TTLL3: variants seen among roughly 807,000 people sequenced by gnomAD.
TTLL3 encodes tubulin monoglycylase TTLL3.
A neutral mutation model predicts 75.2 loss-of-function variants in TTLL3; 63 were observed. The ratio of observed to expected loss-of-function variants is 0.84; its 90% confidence interval spans 0.68 to 1.03. The LOEUF (loss-of-function observed/expected upper bound fraction) is 1.03. Among genes scored for constraint, TTLL3 ranks in the 50% least tolerant of loss-of-function variants. TTLL3 has a pLI of 0.00. For missense variants in TTLL3, 997 were observed against 1,069.9 expected (o/e 0.93, Z 0.95); for synonymous variants, 393 against 418.5 (o/e 0.94, Z 0.74).
At chr3:9,820,865 G>A (rs893523104) in intron 8 of TTLL3, 124 bp downstream of exon 8, 9 of 1,446,584 alleles carry the variant, frequency 6.2e-6, no homozygotes, top group Non-Finnish European at 8.2e-6. Flanking sequence ...GTTCTGCTCA[G>A]GAACCCTCGA....
At chr3:9,814,994 T>C (rs546967356) in intron 4 of TTLL3, among the ~76,000 whole-genome samples, 17 of 152,004 alleles carry the variant, frequency 1.1e-4, no homozygotes, top group South Asian at 4.2e-4. Flanking sequence ...TCGCAGCACT[T>C]TGGGAGGCCA....
intron 7 of TTLL3, chr3:9,820,250 T>C: frequency 8.6e-7 from 1 of 1,167,448 alleles, no homozygotes; most frequent in Non-Finnish European, 1.1e-6. Flanking sequence ...GCCTCAGGTG[T>C]GTTAGAGGTC....
rs1559746073 is a variant in TTLL3, at chr3:9,829,161, G to A, written c.1449G>A (p.Gln483=). The A allele has an allele frequency of 6.2e-7, 1 of 1,614,214 alleles. No individual in the cohort carries two copies. The highest frequency in any genetic ancestry group is 8.5e-7 in the Non-Finnish European group (1 of 1,180,032). ...TGATCCACGCACTTCAGACCTCCCAGGACACCGTGCAGTGTCGGAAGGCCA... is the reference window on the plus strand; with the variant it reads ...TGATCCACGCACTTCAGACCTCCCAAGACACCGTGCAGTGTCGGAAGGCCA... ...DAVIHALQTS[Q]DTVQCRKASF... Residue 483 remains glutamine, a synonymous_variant, in exon 11 of 14, where the codon CAG becomes CAA. Transcript: ENST00000685419.
At position 9,810,795 on chromosome 3, in the gene TTLL3, AAC is replaced by A; in HGVS notation, c.48+88_48+89del. 7.9e-7 allele frequency: 1 copy of A among 1,269,696 alleles called. No homozygotes were observed. 78.7% of individuals were successfully genotyped at this position (1,269,696 alleles called of 1,614,324 possible). ...GCGCTGTTTTCTTATATCCTTAAAA[AAC>A]AAAAGCAAAAGAAAAAACAATAGCA... On this transcript the variant is annotated intron_variant, in intron 2 of 13. Coordinates refer to ENST00000685419, the MANE Select transcript of TTLL3 (RefSeq NM_001387446.1). The surrounding 1 kb of genome is among the most constrained non-coding windows in gnomAD (Gnocchi z 4.4).
At chr3:9,823,418 TTTTTTA>T (rs1024769218) in intron 8 of TTLL3, among the ~76,000 whole-genome samples, 1 of 151,354 alleles carries the variant, frequency 6.6e-6, no homozygotes, top group Non-Finnish European at 1.5e-5. Flanking sequence ...TTTTTTTTTT[TTTTTTA>T]AATCCTGGAT....
At chr3:9,810,031 C>A, upstream of TTLL3, 1 of 1,095,564 alleles carries the variant, frequency 9.1e-7, no homozygotes, top group Non-Finnish European at 1.1e-6. The surrounding 1 kb of genome is among the most constrained non-coding windows in gnomAD (Gnocchi z 4.4). Flanking sequence ...CGCGCCACTG[C>A]TCCTGAGCGC....
At chr3:9,826,858 G>T in intron 9 of TTLL3, 139 bp from the exon 10 acceptor site, 1 of 1,461,616 alleles carries the variant, frequency 6.8e-7, no homozygotes, top group East Asian at 2.3e-5. Flanking sequence ...TTCCCAAAGG[G>T]AACTGGGTTC....
intron 4 of TTLL3, among the ~76,000 whole-genome samples, 170 bp from the exon 5 acceptor site, chr3:9,815,904 G>A (rs1461689372): frequency 1.3e-5 from 2 of 152,234 alleles, no homozygotes; most frequent in Non-Finnish European, 2.9e-5. Flanking sequence ...TGCCCTGGAG[G>A]AAGAGAAATC....
rs184010385 is a variant in TTLL3 at position 9,810,627 on chromosome 3, C to A, written c.-35C>A. The A allele has an allele frequency of 6.4e-7, 1 of 1,566,410 alleles. No homozygotes were observed. Among genetic ancestry groups the A allele is most frequent in the East Asian group, 2.3e-5 (1 of 43,036 alleles). On this transcript the variant is annotated 5_prime_UTR_variant, in exon 2 of 14. Coordinates refer to ENST00000685419, the MANE Select transcript of TTLL3 (RefSeq NM_001387446.1). This position sits in a 1 kb window ranked among gnomAD's most constrained non-coding sequence, Gnocchi z 4.4. ...ATTCCGCATCTTTCTGCAGGTTTCCCGGTCCTCTGGCGAGGATCCTCCAAG... is the reference window on the plus strand; with the variant it reads ...ATTCCGCATCTTTCTGCAGGTTTCCAGGTCCTCTGGCGAGGATCCTCCAAG...
chr3:9,823,185 C>T (rs973852278), intron 8 of TTLL3, among the ~76,000 whole-genome samples: 2 of 151,928 alleles, frequency 1.3e-5, no homozygotes, highest in Non-Finnish European at 2.9e-5. Flanking sequence ...AGATCGAGAC[C>T]ATCCTGGCTA....
intron 2 of TTLL3, among the ~76,000 whole-genome samples, chr3:9,811,046 G>C (rs2079305423): frequency 6.6e-6 from 1 of 152,076 alleles, no homozygotes. Context: ...CCTCTTGGCT[G>C]TCTGACTGCA....
At position 9,829,203 on chromosome 3, in the gene TTLL3, C is replaced by A. The variant is rs1341273313; in HGVS notation, c.1491C>A (p.Gly497=). 6.2e-7 allele frequency: 1 copy of A among 1,614,062 alleles called. No homozygotes were observed. The highest frequency in any genetic ancestry group is 8.5e-7 in the Non-Finnish European group (1 of 1,180,020). ...GGAAGGCCAGCTTTGAGCTCTATGG[C>A]GCTGACTTCGTGTTCGGGGAGGACT... ...QCRKASFELY[G]ADFVFGEDFQ... Residue 497 remains glycine, a synonymous_variant, in exon 11 of 14, where the codon GGC becomes GGA. Coordinates refer to ENST00000685419, the MANE Select transcript of TTLL3 (RefSeq NM_001387446.1).
In TTLL3 at chr3:9,835,797, G is replaced by A. The variant is rs9878419; in HGVS notation, c.*308G>A. On this transcript the variant is annotated 3_prime_UTR_variant, in exon 14 of 14. Transcript: ENST00000685419. ...ATAGGAACGTTAATGCCATGAGACA[G>A]GGGAAGGAATTGGCCTTGCCTAAAC... The A allele has an allele frequency of 0.48, 161,976 of 334,056 alleles. 41,580 individuals carry two copies. Among genetic ancestry groups the A allele is most frequent in the Non-Finnish European group, 0.54 (98,971 of 183,378 alleles). The allele number at this position is 334,056 out of a possible 1,614,324, so 20.7% of individuals were successfully genotyped here.
At chr3:9,821,583 G>A (rs2080413322) in intron 8 of TTLL3, among the ~76,000 whole-genome samples, 1 of 152,194 alleles carries the variant, frequency 6.6e-6, no homozygotes, top group Non-Finnish European at 1.5e-5. Flanking sequence ...AATGACATGA[G>A]CAGCAGATCC....
chr3:9,831,098 G>T (rs1175470379), intron 11 of TTLL3, among the ~76,000 whole-genome samples: 2 of 152,192 alleles, frequency 1.3e-5, no homozygotes, highest in Non-Finnish European at 1.5e-5. Context: ...ACCGCGCCAA[G>T]CCCTCTAAAT....
rs374092623 is a variant in TTLL3, at chr3:9,818,678, G to A, written c.560-144G>A. 1.6e-5 allele frequency: 25 copies of A among 1,519,526 alleles called. No homozygotes were observed. In the South Asian group the frequency reaches 1.8e-4, roughly 11 times the overall value. 94.1% of individuals were successfully genotyped at this position (1,519,526 alleles called of 1,614,324 possible). ...CCACCGTGACCAGCCTGAAACAGGAGCAAGTTCTAAACTCAGGCTCTAGAG... is the reference window on the plus strand; with the variant it reads ...CCACCGTGACCAGCCTGAAACAGGAACAAGTTCTAAACTCAGGCTCTAGAG... On this transcript the variant is annotated intron_variant, in intron 6 of 13. Transcript: ENST00000685419.
At position 9,818,846 on chromosome 3, in the gene TTLL3, G is replaced by T. The variant is rs774168441; in HGVS notation, c.584G>T (p.Arg195Leu). ...GAGGACTTCTGGCTGACTGCTGCCC[G>T]CAACGTTCTCAAGCTGGTGGTGAAG... ...FIEDFWLTAA[R>L]NVLKLVVKSE... The change falls in exon 7 of 14, where the codon CGC becomes CTC. Residue 195 changes from arginine to leucine, a missense_variant. By Grantham distance (102) the Arg-to-Leu change is moderately radical. Coordinates refer to ENST00000685419, the MANE Select transcript of TTLL3 (RefSeq NM_001387446.1). 6.2e-6 allele frequency: 10 copies of T among 1,614,100 alleles called. No homozygotes were observed. In the South Asian group the frequency reaches 8.8e-5, roughly 14 times the overall value.
intron 4 of TTLL3, among the ~76,000 whole-genome samples, chr3:9,814,365 G>C (rs557577160): frequency 1.3e-5 from 2 of 148,334 alleles, no homozygotes; most frequent in African/African-American, 5.0e-5. Context: ...TAAAATAAAG[G>C]CCAGGAGCAG....
rs998757699 is a variant in TTLL3, at chr3:9,810,581, G to A, written c.-41-40G>A. On this transcript the variant is annotated intron_variant, in intron 1 of 13. Transcript: ENST00000685419. This position sits in a 1 kb window ranked among gnomAD's most constrained non-coding sequence, Gnocchi z 4.4. Reference sequence around the variant, plus strand: ...ATCCTAGGCCGAGACCCTAGGCCCAGCCTCAGTGTACCCCGCCCCTATTCC... The same window carrying A: ...ATCCTAGGCCGAGACCCTAGGCCCAACCTCAGTGTACCCCGCCCCTATTCC... The A allele has an allele frequency of 1.9e-6, 3 of 1,545,114 alleles. No homozygotes were observed. The highest frequency in any genetic ancestry group is 2.7e-5 in the African/African-American group (2 of 72,810).
Sources: allele counts gnomAD v4.1 joint callset (sites outside exome capture counted in the v4.1 genomes callset), GRCh38; gene constraint gnomAD v4.1.1; non-coding constraint Gnocchi (gnomAD v3.1); transcripts MANE v1.5; gene names NCBI Gene and HGNC (gene_info 2026-07-23, HGNC 2026-07-21).